Variants in NFATC3 observed in about 807,000 individuals in gnomAD.
NFATC3 encodes nuclear factor of activated T cells 3, also known as nuclear factor of activated T-cells, cytoplasmic 3.
A neutral mutation model predicts 98.6 loss-of-function variants in NFATC3; 46 were observed. The observed-to-expected ratio is 0.47, with a 90% CI of 0.37 to 0.60. The LOEUF is 0.60. NFATC3 is among the 20% of genes least tolerant of loss of function. The pLI, the probability that NFATC3 is intolerant of heterozygous loss-of-function variation, is 0.00. For missense variants in NFATC3, 1,256 were observed against 1,295.5 expected (o/e 0.97, Z 0.47); for synonymous variants, 512 against 472.2 (o/e 1.08, Z -1.09).
At chr16:68,175,646 G>A (rs1413759289) in intron 6 of NFATC3, among the ~76,000 whole-genome samples, 4 of 151,268 alleles carry the variant, frequency 2.6e-5, no homozygotes, top group African/African-American at 9.7e-5. Context: ...TGCAACCTCC[G>A]CCTCCTAGGT....
chr16:68,214,436 A>G (rs2041549913), intron 9 of NFATC3: 1 of 1,611,974 alleles, frequency 6.2e-7, no homozygotes. Context: ...CTAGAGGGTG[A>G]GTGTTGATTG....
At chr16:68,137,405 G>A (rs2037480009) in intron 3 of NFATC3, among the ~76,000 whole-genome samples, 1 of 151,968 alleles carries the variant, frequency 6.6e-6, no homozygotes, top group African/African-American at 2.4e-5. Flanking sequence ...TGTTACCTGT[G>A]GGACCACCAT....
intron 9 of NFATC3, chr16:68,221,403 G>T: frequency 1.4e-6 from 2 of 1,477,150 alleles, no homozygotes; most frequent in East Asian, 2.4e-5. Context: ...AAAGCACTTT[G>T]TTGCAGTTCT....
intron 6 of NFATC3, among the ~76,000 whole-genome samples, chr16:68,177,572 A>G (rs1242232201): frequency 6.7e-6 from 1 of 148,702 alleles, no homozygotes; most frequent in East Asian, 2.0e-4. Context: ...ACTGATTTCT[A>G]TATTTAACTT....
chr16:68,115,510 C>T (rs1294336951), intron 1 of NFATC3, among the ~76,000 whole-genome samples: 3 of 152,022 alleles, frequency 2.0e-5, no homozygotes, highest in African/African-American at 7.2e-5. Context: ...CTGCGACCTC[C>T]GCCTCCCGGG....
intron 9 of NFATC3, chr16:68,221,301 A>G (rs200103211): frequency 1.5e-5 from 24 of 1,613,232 alleles, no homozygotes; most frequent in Non-Finnish European, 1.9e-5. Context: ...GCCTGAACCC[A>G]GAGCCCCCAG....
intron 3 of NFATC3, among the ~76,000 whole-genome samples, chr16:68,127,907 A>G (rs1220135104): frequency 1.3e-5 from 2 of 151,852 alleles, no homozygotes; most frequent in African/African-American, 4.8e-5. Context: ...TCAAATTTAC[A>G]TCCTCCCTAA....
intron 8 of NFATC3, among the ~76,000 whole-genome samples, chr16:68,185,369 A>C (rs1381538888): frequency 2.0e-5 from 3 of 152,204 alleles, no homozygotes; most frequent in South Asian, 4.2e-4. Context: ...GTAGCACTCA[A>C]ATTCTTCAAG....
At position 68,085,998 on chromosome 16, in the gene NFATC3, C is replaced by A. The variant is rs187464073; in HGVS notation, c.103+214C>A. ...AAGTGGTGGCGGGCTTGGCTGGAAGCAAACTAGTGGGGAACTCGACTCCGG... is the reference window on the plus strand; with the variant it reads ...AAGTGGTGGCGGGCTTGGCTGGAAGAAAACTAGTGGGGAACTCGACTCCGG... On this transcript the variant is annotated intron_variant, in intron 1 of 9. Transcript: ENST00000346183. The A allele has an allele frequency of 2.6e-3, 1,136 of 443,986 alleles. 14 individuals carry two copies. Among genetic ancestry groups the A allele is most frequent in the African/African-American group, 0.022 (1,055 of 48,154 alleles). 27.5% of individuals were successfully genotyped at this position (443,986 alleles called of 1,614,324 possible).
At chr16:68,180,135 C>T (rs1012924694) in intron 6 of NFATC3, among the ~76,000 whole-genome samples, 5 of 152,048 alleles carry the variant, frequency 3.3e-5, no homozygotes, top group African/African-American at 9.7e-5. Flanking sequence ...TGGAGGAGCA[C>T]GTTTAAGCAG....
At chr16:68,147,389 C>T (rs2038091423) in intron 3 of NFATC3, among the ~76,000 whole-genome samples, 2 of 152,112 alleles carry the variant, frequency 1.3e-5, no homozygotes, top group South Asian at 2.1e-4. Flanking sequence ...AAATTGCCTA[C>T]AGTTCTTTTA....
intron 2 of NFATC3, among the ~76,000 whole-genome samples, chr16:68,125,595 C>T (rs188267218): frequency 1.3e-5 from 2 of 151,962 alleles, no homozygotes; most frequent in East Asian, 1.9e-4. Flanking sequence ...GGAGGAAGTG[C>T]GGGAAGTGAT....
At chr16:68,160,709 C>G (rs914793653) in intron 4 of NFATC3, among the ~76,000 whole-genome samples, 2 of 150,570 alleles carry the variant, frequency 1.3e-5, no homozygotes, top group African/African-American at 4.9e-5. Context: ...TTTTTTTAGA[C>G]TGTCTAAATT....
At chr16:68,133,948 T>C (rs538570947) in intron 3 of NFATC3, among the ~76,000 whole-genome samples, 1 of 151,778 alleles carries the variant, frequency 6.6e-6, no homozygotes, top group South Asian at 2.1e-4. Context: ...TGTCTGGGAG[T>C]GTAGTTACTG....
intron 9 of NFATC3, among the ~76,000 whole-genome samples, chr16:68,204,103 G>A (rs1380552257): frequency 4.6e-5 from 7 of 152,044 alleles, no homozygotes; most frequent in African/African-American, 7.2e-5. Context: ...CAGGAGAATC[G>A]TTTGAACCTG....
chr16:68,097,983 C>G (rs1278985007), intron 1 of NFATC3, among the ~76,000 whole-genome samples: 2 of 152,050 alleles, frequency 1.3e-5, no homozygotes, highest in Admixed American at 1.3e-4. Context: ...TGGGTGCTGA[C>G]TTCTTGTCAT....
At chr16:68,124,067 T>C (rs886823895) in intron 2 of NFATC3, among the ~76,000 whole-genome samples, 4 of 152,062 alleles carry the variant, frequency 2.6e-5, no homozygotes, top group Non-Finnish European at 2.9e-5. Flanking sequence ...AAAGACAACT[T>C]TTATGTATTA....
intron 5 of NFATC3, among the ~76,000 whole-genome samples, chr16:68,171,949 T>C (rs751231961): frequency 4.6e-5 from 7 of 151,986 alleles, no homozygotes; most frequent in Non-Finnish European, 1.0e-4. Context: ...CCACCACACC[T>C]GGCTAATTTT....
chr16:68,095,197 A>AG (rs1235457397), intron 1 of NFATC3, among the ~76,000 whole-genome samples: 12 of 152,022 alleles, frequency 7.9e-5, no homozygotes, highest in Admixed American at 5.9e-4. Flanking sequence ...AGGGACTTAA[A>AG]AAAAATTTTT....
Sources: allele counts gnomAD v4.1 joint callset (sites outside exome capture counted in the v4.1 genomes callset), GRCh38; gene constraint gnomAD v4.1.1; transcripts MANE v1.5; gene names NCBI Gene and HGNC (gene_info 2026-07-23, HGNC 2026-07-21).